The following ZMYND11 variants were observed in gnomAD, a reference collection of about 807,000 sequenced individuals.
ZMYND11 encodes the protein zinc finger MYND-type containing 11, also known as zinc finger MYND domain-containing protein 11.
In ZMYND11, 9 loss-of-function variants were observed where a neutral mutation model predicts 84.9. The ratio of observed to expected loss-of-function variants is 0.11; its 90% CI spans 0.06 to 0.18. ZMYND11 has a LOEUF of 0.18. Among genes scored for constraint, ZMYND11 ranks in the 10% least tolerant of loss-of-function variants. The probability of loss-of-function intolerance (pLI) is 1.00; values close to 1 mark genes in which losing one functional copy is unlikely to be tolerated. For missense variants in ZMYND11, 409 were observed against 761.0 expected (o/e 0.54, Z 5.44); for synonymous variants, 250 against 244.1 (o/e 1.02, Z -0.23).
chr10:242,232 T>TA, intron 10 of ZMYND11, 93 bp downstream of exon 10: 1 of 1,505,756 alleles, frequency 6.6e-7, no homozygotes, highest in South Asian at 1.3e-5. Context: ...GCATGAAGTT[T>TA]ATTTTAAATT....
chr10:180,451 G>C (rs1847614417), intron 2 of ZMYND11, among the ~76,000 whole-genome samples: 1 of 152,180 alleles, frequency 6.6e-6, no homozygotes, highest in Non-Finnish European at 1.5e-5. Context: ...CCAGGCTGGA[G>C]TGTGGTGACC....
intron 10 of ZMYND11, among the ~76,000 whole-genome samples, chr10:243,636 C>T (rs1294941819): frequency 2.0e-5 from 3 of 152,104 alleles, no homozygotes; most frequent in East Asian, 1.9e-4. Context: ...GAGGCCGAGG[C>T]GGCTGGATCA....
At chr10:225,940 G>C (rs936195664) in intron 4 of ZMYND11, among the ~76,000 whole-genome samples, 12 of 152,202 alleles carry the variant, frequency 7.9e-5, no homozygotes, top group African/African-American at 2.7e-4. Flanking sequence ...TCTCTGTGCT[G>C]TGCAGTGTGA....
At chr10:188,209 A>G (rs562171499) in intron 2 of ZMYND11, among the ~76,000 whole-genome samples, 2 of 152,328 alleles carry the variant, frequency 1.3e-5, no homozygotes, top group South Asian at 2.1e-4. Flanking sequence ...CGTTTTACAC[A>G]TTATAAATCA....
chr10:163,535 A>G (rs999322501), intron 1 of ZMYND11, among the ~76,000 whole-genome samples: 9 of 152,122 alleles, frequency 5.9e-5, no homozygotes, highest in Non-Finnish European at 1.0e-4. Context: ...CATATTTTAA[A>G]TGTTCCTGAA....
intron 10 of ZMYND11, chr10:244,603 A>G (rs896335491): frequency 6.6e-6 from 1 of 152,344 alleles, no homozygotes; most frequent in Non-Finnish European, 1.5e-5. Context: ...GAAACCAGGT[A>G]CAGACAAAAA....
At chr10:241,839 T>C (rs561208515) in intron 9 of ZMYND11, among the ~76,000 whole-genome samples, 182 bp from the exon 10 acceptor site, 1 of 152,270 alleles carries the variant, frequency 6.6e-6, no homozygotes, top group South Asian at 2.1e-4. Context: ...AAGGTTCATG[T>C]TGGCACTCTG....
intron 2 of ZMYND11, 111 bp from the exon 3 acceptor site, chr10:209,776 ACT>A: frequency 1.0e-6 from 1 of 985,170 alleles, no homozygotes; most frequent in Non-Finnish European, 1.5e-6. Context: ...TCTCAACAGG[ACT>A]CTCATAAATA....
intron 4 of ZMYND11, among the ~76,000 whole-genome samples, chr10:234,981 A>AAT (rs941747751): frequency 4.8e-5 from 3 of 62,914 alleles, no homozygotes; most frequent in African/African-American, 1.9e-4. Context: ...GTATTTCGCA[A>AAT]ATGTGTGTGT....
At chr10:163,959 G>T (rs1843453936) in intron 1 of ZMYND11, among the ~76,000 whole-genome samples, 1 of 152,118 alleles carries the variant, frequency 6.6e-6, no homozygotes, top group Non-Finnish European at 1.5e-5. Flanking sequence ...TCTCCAGAAA[G>T]GTATTGTTTG....
intron 1 of ZMYND11, among the ~76,000 whole-genome samples, chr10:137,897 A>G (rs1836498760): frequency 6.6e-6 from 1 of 152,144 alleles, no homozygotes; most frequent in Non-Finnish European, 1.5e-5. Flanking sequence ...GGATTTCTGT[A>G]TTTCACATGG....
chr10:223,730 G>GT (rs1564410000), intron 4 of ZMYND11, among the ~76,000 whole-genome samples: 1 of 152,098 alleles, frequency 6.6e-6, no homozygotes, highest in African/African-American at 2.4e-5. Context: ...TTTGAGAAGG[G>GT]GTAATAATAA....
chr10:141,802 T>C lies in ZMYND11; in HGVS notation c.-20+6243T>C, dbSNP rs576600123. On this transcript the variant is annotated intron_variant, in intron 1 of 14. Coordinates refer to ENST00000381604, the MANE Select transcript of ZMYND11 (RefSeq NM_001370100.5). ...CTGCATGTTATGTTAATTTAAAATA[T>C]AGGTTAAGAGCAAAGGATCTTCATT... Among the ~76,000 whole-genome samples the C allele has an allele frequency of 2.6e-5, 4 of 152,320 alleles. No homozygotes were observed. The South Asian group carries it at 6.2e-4, about 24-fold the overall frequency.
intron 9 of ZMYND11, among the ~76,000 whole-genome samples, chr10:241,786 C>T (rs573447198): frequency 1.3e-5 from 2 of 152,136 alleles, no homozygotes; most frequent in African/African-American, 4.8e-5. Context: ...CACCGTCATA[C>T]ATGTGGATGG....
chr10:132,141 C>T (rs1835323324), upstream of ZMYND11, among the ~76,000 whole-genome samples: 1 of 151,864 alleles, frequency 6.6e-6, no homozygotes, highest in Admixed American at 6.6e-5. Flanking sequence ...GTCAGAAAGG[C>T]ATGGAATGAA....
At chr10:224,857 T>C (rs1947816491) in intron 4 of ZMYND11, among the ~76,000 whole-genome samples, 1 of 152,232 alleles carries the variant, frequency 6.6e-6, no homozygotes, top group Non-Finnish European at 1.5e-5. Context: ...AAAGGTGACA[T>C]ATGCAAATGC....
chr10:180,930 C>T (rs1355298397), intron 2 of ZMYND11, among the ~76,000 whole-genome samples: 2 of 151,936 alleles, frequency 1.3e-5, no homozygotes, highest in African/African-American at 4.8e-5. Context: ...TTGTCCACCC[C>T]CATCCCCTAG....
chr10:204,981 G>T (rs2131176617), intron 2 of ZMYND11, among the ~76,000 whole-genome samples: 1 of 151,722 alleles, frequency 6.6e-6, no homozygotes, highest in South Asian at 2.1e-4. Context: ...TGTTTTGTGG[G>T]GTTTTCTTAC....
chr10:217,609 A>G (rs960186359), intron 3 of ZMYND11, among the ~76,000 whole-genome samples: 2 of 152,106 alleles, frequency 1.3e-5, no homozygotes, highest in Admixed American at 1.3e-4. Context: ...AATTATAAGC[A>G]TGTTCTATCA....
Sources: allele counts gnomAD v4.1 joint callset (sites outside exome capture counted in the v4.1 genomes callset), GRCh38; gene constraint gnomAD v4.1.1; transcripts MANE v1.5; gene names NCBI Gene and HGNC (gene_info 2026-07-23, HGNC 2026-07-21).